Variants in PTPRD observed in about 807,000 individuals in gnomAD.
PTPRD encodes protein tyrosine phosphatase receptor type D.
A neutral mutation model predicts 214.5 loss-of-function variants in PTPRD; 34 were observed. The ratio of observed to expected loss-of-function variants is 0.16; its 90% CI spans 0.12 to 0.21. The LOEUF (loss-of-function observed/expected upper bound fraction) is 0.21, where lower values mean the gene tolerates loss of function less well. Among genes scored for constraint, PTPRD ranks in the 10% least tolerant of loss-of-function variants. PTPRD has a pLI of 1.00. For synonymous variants in PTPRD, 1,128 were observed against 845.7 expected (o/e 1.33, Z -5.79); for missense variants, 2,545 against 2,398.7 (o/e 1.06, Z -1.27).
chr9:9,800,849 A>T (rs954744495), intron 5 of PTPRD, among the ~76,000 whole-genome samples: 1 of 152,200 alleles, frequency 6.6e-6, no homozygotes, highest in African/African-American at 2.4e-5. Context: ...AAAGCTTGTA[A>T]AACAACAGCC....
chr9:8,395,660 T>C (rs902100520), intron 36 of PTPRD, among the ~76,000 whole-genome samples: 3 of 152,090 alleles, frequency 2.0e-5, no homozygotes, highest in African/African-American at 7.2e-5. Context: ...ATGCCTGTTC[T>C]GTGGGCATCG....
intron 11 of PTPRD, chr9:8,861,228 G>A (rs764169927): frequency 1.8e-4 from 27 of 152,094 alleles, no homozygotes; most frequent in Non-Finnish European, 3.4e-4. Flanking sequence ...AAATAATCAC[G>A]ATGACAATAA....
At chr9:9,673,063 G>C (rs983905691) in intron 7 of PTPRD, among the ~76,000 whole-genome samples, 4 of 151,944 alleles carry the variant, frequency 2.6e-5, no homozygotes, top group Non-Finnish European at 5.9e-5. Context: ...TCTGTTAATA[G>C]TGATTCAAGG....
rs1413279626 is a variant in PTPRD, at chr9:9,279,984, G to A, written c.-202-96621C>T. On this transcript the variant is annotated intron_variant, in intron 9 of 45. Transcript: ENST00000381196. ...TGGAAGCTCAAAAATTTAATTGACT[G>A]TTTCTATATTGATAGGTTATTGGGT... is the stretch of plus-strand genomic sequence containing the variant. Among the ~76,000 whole-genome samples the A allele has an allele frequency of 2.0e-5, 3 of 151,326 alleles. No individual in the cohort carries two copies. In the East Asian group the frequency reaches 5.9e-4, roughly 30 times the overall value.
chr9:8,515,923 A>G (rs1167592435), intron 21 of PTPRD, among the ~76,000 whole-genome samples: 1 of 152,136 alleles, frequency 6.6e-6, no homozygotes, highest in Non-Finnish European at 1.5e-5. Context: ...AGACTAGAAA[A>G]CTGAAGTTCA....
intron 8 of PTPRD, among the ~76,000 whole-genome samples, chr9:9,569,700 T>A (rs150722488): frequency 0.018 from 2,707 of 151,598 alleles, 44 homozygotes; most frequent in Admixed American, 0.025. Context: ...TTTAGACAAA[T>A]AGGAAAGTCT....
chr9:9,948,667 AT>A (rs2093092132), intron 4 of PTPRD, among the ~76,000 whole-genome samples: 1 of 152,064 alleles, frequency 6.6e-6, no homozygotes, highest in Non-Finnish European at 1.5e-5. Flanking sequence ...CTTAGCCAAA[AT>A]TGTAAGAAGT....
chr9:9,996,134 G>A lies in PTPRD; in HGVS notation c.-472+37584C>T, dbSNP rs571966394. ...TTTAAAAATATTATCTTTCTACTGT[G>A]ATTATATGTCATAGAATGTATTGCC... On this transcript the variant is annotated intron_variant, in intron 4 of 45. Transcript: ENST00000381196. Among the ~76,000 whole-genome samples, 68 of 152,080 alleles carry A rather than the reference G, an allele frequency of 4.5e-4. No individual in the cohort carries two copies. In the South Asian group the frequency reaches 0.014, roughly 31 times the overall value.
At chr9:10,261,037 G>A (rs1363848074) in intron 3 of PTPRD, among the ~76,000 whole-genome samples, 1 of 143,802 alleles carries the variant, frequency 7.0e-6, no homozygotes, top group Non-Finnish European at 1.5e-5. Flanking sequence ...TATTATATAT[G>A]TGTATATATA....
At position 8,500,565 on chromosome 9, in the gene PTPRD, A is replaced by G. The variant is rs1470785705; in HGVS notation, c.2128+189T>C. 1.3e-4 allele frequency among the ~76,000 whole-genome samples: 18 copies of G among 138,674 alleles called. 1 individual carries two copies. The highest frequency in any genetic ancestry group is 3.9e-4 in the African/African-American group (14 of 36,298). 91.0% of individuals were successfully genotyped at this position (138,674 alleles called of 152,430 possible). On this transcript the variant is annotated intron_variant, in intron 24 of 45. Coordinates refer to ENST00000381196, the MANE Select transcript of PTPRD (RefSeq NM_002839.4). ...ATTGAGATTGAAAAAAATGAAAAAA[A>G]AAAAAAAAAAAAAAAAAAAAAAAAA...
intron 11 of PTPRD, among the ~76,000 whole-genome samples, chr9:8,907,533 A>AATATAT (rs1555505761): frequency 1.1e-3 from 135 of 118,184 alleles, no homozygotes; most frequent in East Asian, 3.4e-3. Flanking sequence ...AAAAAAAAAA[A>AATATAT]ATATATATAT....
At chr9:8,452,000 C>A in intron 33 of PTPRD, 1 of 337,040 alleles carries the variant, frequency 3.0e-6, no homozygotes, top group Admixed American at 4.2e-5. Context: ...TAATTTAGCC[C>A]ATTTCTCTGG....
chr9:10,294,077 G>A (rs1396859642), intron 3 of PTPRD, among the ~76,000 whole-genome samples: 1 of 151,886 alleles, frequency 6.6e-6, no homozygotes, highest in East Asian at 1.9e-4. Flanking sequence ...CGACATTATT[G>A]CAAAATATAT....
chr9:10,268,827 T>C (rs932657696), intron 3 of PTPRD, among the ~76,000 whole-genome samples: 1 of 152,174 alleles, frequency 6.6e-6, no homozygotes, highest in Admixed American at 6.5e-5. Context: ...AACTGGCCTT[T>C]ACAAAAGGGG....
rs112711113 is a variant in PTPRD, at chr9:8,875,067, A to G, written c.-103-141121T>C. Among the ~76,000 whole-genome samples, 1,055 of 152,316 alleles carry G rather than the reference A, an allele frequency of 6.9e-3. 13 individuals carry two copies. Among genetic ancestry groups the G allele is most frequent in the African/African-American group, 0.024 (998 of 41,558 alleles). ...AACCATACATGGATGCATTAAAGAG[A>G]GTCACCCATTTATAAAATGGAGATA... On this transcript the variant is annotated intron_variant, in intron 11 of 45. Coordinates refer to ENST00000381196, the MANE Select transcript of PTPRD (RefSeq NM_002839.4).
chr9:8,666,103 T>C (rs1434310065), intron 12 of PTPRD, among the ~76,000 whole-genome samples: 2 of 152,160 alleles, frequency 1.3e-5, no homozygotes, highest in Non-Finnish European at 2.9e-5. Context: ...CAGCTTTGTA[T>C]TGTAAAAGAA....
At chr9:9,266,547 C>T (rs895012392) in intron 9 of PTPRD, among the ~76,000 whole-genome samples, 1 of 150,230 alleles carries the variant, frequency 6.7e-6, no homozygotes, top group African/African-American at 2.4e-5. Context: ...TTATATCAAG[C>T]ATCTTCACTG....
chr9:10,455,249 C>A (rs1379679374), intron 2 of PTPRD, among the ~76,000 whole-genome samples: 1 of 151,640 alleles, frequency 6.6e-6, no homozygotes, highest in East Asian at 1.9e-4. Flanking sequence ...CATTACTTTA[C>A]GTGAAAGAAT....
chr9:9,850,851 C>T (rs1333286535), intron 5 of PTPRD, among the ~76,000 whole-genome samples: 3 of 152,278 alleles, frequency 2.0e-5, no homozygotes, highest in East Asian at 3.9e-4. Context: ...CCACTCTCCA[C>T]TGATAATCAC....
Sources: allele counts gnomAD v4.1 joint callset (sites outside exome capture counted in the v4.1 genomes callset), GRCh38; gene constraint gnomAD v4.1.1; transcripts MANE v1.5; gene names NCBI Gene and HGNC (gene_info 2026-07-23, HGNC 2026-07-21).